The following TMTC2 variants were observed in gnomAD, a reference collection of about 807,000 sequenced individuals.
TMTC2 encodes protein O-mannosyl-transferase TMTC2.
TMTC2 carries 43 observed loss-of-function variants against 82.4 expected under a neutral mutation model. That is an observed-to-expected ratio of 0.52 (90% CI 0.41 to 0.67). The LOEUF (loss-of-function observed/expected upper bound fraction) is 0.67, where lower values mean the gene tolerates loss of function less well. TMTC2 is among the 30% of genes least tolerant of loss of function. The probability of loss-of-function intolerance (pLI) is 0.00; values close to 1 mark genes in which losing one functional copy is unlikely to be tolerated. For missense variants in TMTC2, 919 were observed against 1,012.4 expected (o/e 0.91, Z 1.25); for synonymous variants, 408 against 381.9 (o/e 1.07, Z -0.80).
At chr12:83,123,677 T>G (rs1222409706) in intron 11 of TMTC2, among the ~76,000 whole-genome samples, 2 of 152,222 alleles carry the variant, frequency 1.3e-5, no homozygotes, top group East Asian at 1.9e-4. Flanking sequence ...ATCCCCAAAT[T>G]AATTGAAATT....
chr12:82,776,561 A>C (rs1877609196), intron 1 of TMTC2, among the ~76,000 whole-genome samples: 1 of 148,220 alleles, frequency 6.7e-6, no homozygotes, highest in Non-Finnish European at 1.5e-5. Context: ...ACTTTAACCC[A>C]GGTGTCCAGG....
At chr12:82,951,722 G>A (rs1428191085) in intron 4 of TMTC2, among the ~76,000 whole-genome samples, 1 of 152,122 alleles carries the variant, frequency 6.6e-6, no homozygotes, top group Non-Finnish European at 1.5e-5. Context: ...TTTAAAATAT[G>A]TATTCAATTA....
In TMTC2 at chr12:82,686,959, T is replaced by G. The variant is rs1240681223; in HGVS notation, c.-628T>G. ...CTCCAGCCACCGCTTCTCACTTCAC[T>G]GGAGAAGGGAGCTGGGGCTGGGGCT... On this transcript the variant is annotated 5_prime_UTR_variant, in exon 1 of 12. Coordinates refer to ENST00000321196, the MANE Select transcript of TMTC2 (RefSeq NM_152588.3). The G allele has an allele frequency of 1.3e-5, 2 of 152,066 alleles. No individual in the cohort carries two copies. The highest frequency in any genetic ancestry group is 2.9e-5 in the Non-Finnish European group (2 of 68,194). The allele number at this position is 152,066 out of a possible 1,614,324, so 9.4% of individuals were successfully genotyped here.
At chr12:82,768,015 T>A (rs1877069035) in intron 1 of TMTC2, among the ~76,000 whole-genome samples, 5 of 122,498 alleles carry the variant, frequency 4.1e-5, no homozygotes, top group Admixed American at 3.0e-4. Context: ...TTACTTTGTG[T>A]TTTAAACTTA....
At chr12:82,986,781 A>G (rs1266762769) in intron 8 of TMTC2, among the ~76,000 whole-genome samples, 1 of 152,230 alleles carries the variant, frequency 6.6e-6, no homozygotes, top group East Asian at 1.9e-4. Flanking sequence ...TTGTACCACT[A>G]TGACCTATAA....
chr12:82,804,315 T>G (rs187643093), intron 1 of TMTC2, among the ~76,000 whole-genome samples: 136 of 152,182 alleles, frequency 8.9e-4, no homozygotes, highest in Admixed American at 2.0e-3. Context: ...GTAAATGGAG[T>G]TAAGGCATCT....
At chr12:82,940,087 C>T (rs1876626666) in intron 4 of TMTC2, among the ~76,000 whole-genome samples, 1 of 131,718 alleles carries the variant, frequency 7.6e-6, no homozygotes, top group African/African-American at 2.9e-5. Flanking sequence ...GTGGCGCGAT[C>T]TCGGCTCACA....
At chr12:83,003,940 T>A (rs962921198) in intron 8 of TMTC2, among the ~76,000 whole-genome samples, 2 of 152,176 alleles carry the variant, frequency 1.3e-5, no homozygotes, top group Non-Finnish European at 2.9e-5. Context: ...TTTCGTGAAC[T>A]CTTACATATC....
chr12:83,044,622 G>C (rs1592713650), intron 9 of TMTC2, among the ~76,000 whole-genome samples: 1 of 152,320 alleles, frequency 6.6e-6, no homozygotes, highest in Non-Finnish European at 1.5e-5. Context: ...TATCACTAGA[G>C]TTCAGATGAT....
At chr12:82,832,765 A>G (rs929610125) in intron 1 of TMTC2, among the ~76,000 whole-genome samples, 5 of 152,224 alleles carry the variant, frequency 3.3e-5, no homozygotes, top group Middle Eastern at 3.2e-3. Flanking sequence ...TCTGAATTAT[A>G]CCCTTAACTT....
At position 82,711,437 on chromosome 12, in the gene TMTC2, T is replaced by TA. The variant is rs547842827; in HGVS notation, c.83+23779dup. On this transcript the variant is annotated intron_variant, in intron 1 of 11. Coordinates refer to ENST00000321196, the MANE Select transcript of TMTC2 (RefSeq NM_152588.3). ...TAATAAAATGGGGGAAATATGTTGT[T>TA]AAAAAAAAAAACGAAAAAGGGCAAG... Among the ~76,000 whole-genome samples, 911 of 143,584 alleles carry TA rather than the reference T, an allele frequency of 6.3e-3. 4 individuals are homozygous for TA. Among genetic ancestry groups the TA allele is most frequent in the African/African-American group, 0.02 (791 of 39,402 alleles). 94.2% of individuals were successfully genotyped at this position (143,584 alleles called of 152,430 possible).
At chr12:83,086,846 G>A (rs1294889621) in intron 11 of TMTC2, among the ~76,000 whole-genome samples, 1 of 151,950 alleles carries the variant, frequency 6.6e-6, no homozygotes, top group African/African-American at 2.4e-5. Flanking sequence ...TTTTTTTGCT[G>A]GTAAAGCATC....
chr12:82,894,091 A>T (rs1221038512), intron 2 of TMTC2, among the ~76,000 whole-genome samples: 1 of 152,210 alleles, frequency 6.6e-6, no homozygotes, highest in Non-Finnish European at 1.5e-5. Flanking sequence ...GATGGTGACG[A>T]TGATTGGAGG....
intron 3 of TMTC2, among the ~76,000 whole-genome samples, chr12:82,904,173 A>G (rs1466061124): frequency 6.6e-6 from 1 of 152,242 alleles, no homozygotes; most frequent in Non-Finnish European, 1.5e-5. Flanking sequence ...ATTTGAACCT[A>G]AGTAAAACAT....
chr12:82,843,874 GGAGGCGGAGGATGCAGT>G (rs976112594), intron 1 of TMTC2, among the ~76,000 whole-genome samples: 2 of 152,164 alleles, frequency 1.3e-5, no homozygotes, highest in African/African-American at 4.8e-5. Context: ...CTTGAACCCA[GGAGGCGGAGGATGCAGT>G]GAGCCATGAT....
At chr12:83,045,726 C>CACACACACACCA (rs747864661) in intron 9 of TMTC2, among the ~76,000 whole-genome samples, 1 of 77,468 alleles carries the variant, frequency 1.3e-5, no homozygotes, top group African/African-American at 3.8e-5. Flanking sequence ...CACACACACA[C>CACACACACACCA]GCACACACAC....
At chr12:82,949,207 G>A (rs1022224215) in intron 4 of TMTC2, among the ~76,000 whole-genome samples, 1 of 152,156 alleles carries the variant, frequency 6.6e-6, no homozygotes, top group African/African-American at 2.4e-5. Flanking sequence ...AAGATTAGAC[G>A]TCCATGTTGG....
At chr12:83,099,678 T>G (rs747436570) in intron 11 of TMTC2, among the ~76,000 whole-genome samples, 3 of 152,096 alleles carry the variant, frequency 2.0e-5, no homozygotes, top group Non-Finnish European at 2.9e-5. Context: ...CTATTCTTGT[T>G]CTTCATCACT....
chr12:82,742,953 A>T (rs1178736972), intron 1 of TMTC2, among the ~76,000 whole-genome samples: 5 of 152,174 alleles, frequency 3.3e-5, no homozygotes, highest in Non-Finnish European at 7.4e-5. Flanking sequence ...ATTGTTTTCT[A>T]CGTAGACAGT....
Sources: gnomAD v4.1 joint callset for allele counts (sites outside exome capture counted in the v4.1 genomes callset) on GRCh38, gnomAD v4.1.1 for gene constraint, MANE v1.5 for transcripts, NCBI Gene and HGNC (gene_info 2026-07-23, HGNC 2026-07-21) for gene names.